The following MYO3B variants were observed in gnomAD, a reference collection of about 807,000 sequenced individuals.
The protein encoded by MYO3B is myosin-IIIb.
Under a neutral mutation model 174.6 loss-of-function variants are expected in MYO3B, and 156 were observed. The observed-to-expected ratio is 0.89, with a 90% CI of 0.78 to 1.02. The LOEUF (loss-of-function observed/expected upper bound fraction) is 1.02. MYO3B is among the 50% of genes least tolerant of loss of function. The pLI, the probability that MYO3B is intolerant of heterozygous loss-of-function variation, is 0.00. For missense variants in MYO3B, 1,632 were observed against 1,639.4 expected (o/e 1.00, Z 0.08); for synonymous variants, 563 against 569.1 (o/e 0.99, Z 0.15).
intron 22 of MYO3B, among the ~76,000 whole-genome samples, chr2:170,425,642 C>T (rs928968395): frequency 6.6e-6 from 1 of 152,136 alleles, no homozygotes; most frequent in Non-Finnish European, 1.5e-5. Flanking sequence ...GTTCAGTTGA[C>T]CTAGTTTGGT....
At chr2:170,191,717 G>A (rs1018382847) in intron 1 of MYO3B, among the ~76,000 whole-genome samples, 3 of 152,100 alleles carry the variant, frequency 2.0e-5, no homozygotes, top group Admixed American at 6.6e-5. Context: ...GGGGAAGGGT[G>A]GCATCAGCAA....
chr2:170,415,932 A>G (rs1165625839), intron 22 of MYO3B, among the ~76,000 whole-genome samples: 1 of 152,162 alleles, frequency 6.6e-6, no homozygotes, highest in East Asian at 1.9e-4. Context: ...GTTCCCTCCA[A>G]AAAAAGATAC....
At chr2:170,194,509 A>G (rs1209297055) in intron 1 of MYO3B, among the ~76,000 whole-genome samples, 1 of 147,774 alleles carries the variant, frequency 6.8e-6, no homozygotes, top group Admixed American at 6.7e-5. Context: ...TGTCTCAAGA[A>G]AAAAAAAAAA....
At chr2:170,358,100 C>T (rs567500498) in intron 8 of MYO3B, among the ~76,000 whole-genome samples, 7 of 150,946 alleles carry the variant, frequency 4.6e-5, no homozygotes, top group African/African-American at 7.3e-5. Context: ...TGCGGTGAGC[C>T]GAGATCGCAC....
chr2:170,236,039 G>T lies in MYO3B; in HGVS notation c.652G>T (p.Asp218Tyr). 1 of 1,614,042 alleles carries T rather than the reference G, an allele frequency of 6.2e-7. No individual in the cohort carries two copies. The highest frequency in any genetic ancestry group is 8.5e-7 in the Non-Finnish European group (1 of 1,180,012). ...QYDSSYDARC[D>Y]VWSLGITAIE... The stretch of plus-strand genomic sequence containing the variant: ...TGACTCTTCCTATGACGCTCGCTGT[G>T]ACGTCTGGTCCTTGGGGATCACAGC... The change falls in exon 7 of 35, where the codon GAC (aspartate) becomes TAC (tyrosine). Residue 218 changes from aspartate to tyrosine, a missense_variant. Transcript: ENST00000408978.
chr2:170,406,882 C>T (rs1304214657), intron 21 of MYO3B, among the ~76,000 whole-genome samples: 1 of 152,112 alleles, frequency 6.6e-6, no homozygotes, highest in Non-Finnish European at 1.5e-5. Flanking sequence ...ACTCAGCATC[C>T]TTGAGTGATC....
At chr2:170,644,176 T>C (rs1698195620) in intron 32 of MYO3B, among the ~76,000 whole-genome samples, 1 of 152,246 alleles carries the variant, frequency 6.6e-6, no homozygotes, top group African/African-American at 2.4e-5. Context: ...TCAGCTAGAT[T>C]TGAATCTCAA....
chr2:170,628,849 A>C (rs1470090127), intron 32 of MYO3B, among the ~76,000 whole-genome samples: 8 of 152,222 alleles, frequency 5.3e-5, no homozygotes, highest in Middle Eastern at 3.4e-3. Flanking sequence ...TTTACCAAAC[A>C]ATTTTTTTTA....
intron 32 of MYO3B, among the ~76,000 whole-genome samples, chr2:170,567,768 G>A (rs995064393): frequency 3.9e-5 from 6 of 152,196 alleles, no homozygotes; most frequent in Non-Finnish European, 7.3e-5. Context: ...GGTGTTTGGA[G>A]AGTAGCATCT....
At position 170,407,750 on chromosome 2, in the gene MYO3B, T is replaced by C. The variant is rs2094519760; in HGVS notation, c.2556T>C (p.Asn852=). 6.2e-7 allele frequency: 1 copy of C among 1,614,036 alleles called. No individual in the cohort carries two copies. The highest frequency in any genetic ancestry group is 8.5e-7 in the Non-Finnish European group (1 of 1,179,956). Residue 852 remains asparagine, a synonymous_variant, in exon 22 of 35, where the codon AAT becomes AAC. Coordinates refer to ENST00000408978, the MANE Select transcript of MYO3B (RefSeq NM_138995.5). ...ATGCTTCTGGGGTTCTTGAGAAAAA[T>C]AGAGACACTCTCCCTGCCGATGTGG... ...LYDASGVLEK[N]RDTLPADVVV...
chr2:170,256,900 A>C (rs1292431477), intron 7 of MYO3B, among the ~76,000 whole-genome samples: 1 of 152,108 alleles, frequency 6.6e-6, no homozygotes, highest in Non-Finnish European at 1.5e-5. Context: ...CAAAGTAAAG[A>C]AATGAACAGC....
chr2:170,314,190 C>A (rs893525195), intron 7 of MYO3B, among the ~76,000 whole-genome samples: 1 of 152,120 alleles, frequency 6.6e-6, no homozygotes, highest in African/African-American at 2.4e-5. Context: ...TGCCAAGCAC[C>A]TCTCCCCAGA....
Position 170,327,860 on chromosome 2 carries a change from C to CATATAT in MYO3B, c.750-7515_750-7510dup, listed in dbSNP as rs201033292. On this transcript the variant is annotated intron_variant, in intron 7 of 34. Coordinates refer to ENST00000408978, the MANE Select transcript of MYO3B (RefSeq NM_138995.5). ...ATGTTTTCTCTAGTGGAATTATTAG[C>CATATAT]ATATATATATATATACACTATATAT... Among the ~76,000 whole-genome samples, 212 of 102,522 alleles carry CATATAT rather than the reference C, an allele frequency of 2.1e-3. 1 individual carries two copies. In the South Asian group the frequency reaches 0.025, roughly 12 times the overall value. The allele number at this position is 102,522 out of a possible 152,430, so 67.3% of individuals were successfully genotyped here. A position where few individuals can be genotyped will look rare whatever the true frequency, so the allele number is the denominator to read the frequency against.
At chr2:170,269,574 A>G (rs954766447) in intron 7 of MYO3B, among the ~76,000 whole-genome samples, 1 of 152,194 alleles carries the variant, frequency 6.6e-6, no homozygotes, top group Non-Finnish European at 1.5e-5. Context: ...GAATAAAAAT[A>G]CACTTGGCAC....
Position 170,206,051 on chromosome 2 carries a change from C to T in MYO3B, c.321+5767C>T, listed in dbSNP as rs1376950079. ...TCATTGGCCTTCCTCCTCCATCTCC[C>T]TGCCCCAGGATTCTGGCATCCTTTG... On this transcript the variant is annotated intron_variant, in intron 3 of 34. Transcript: ENST00000408978. This position sits in a 1 kb window ranked among gnomAD's most constrained non-coding sequence, Gnocchi z 4.3. 2.6e-5 allele frequency among the ~76,000 whole-genome samples: 4 copies of T among 152,148 alleles called. No individual in the cohort carries two copies. The highest frequency in any genetic ancestry group is 3.8e-4 in the East Asian group (2 of 5,198).
intron 12 of MYO3B, among the ~76,000 whole-genome samples, chr2:170,384,783 G>A (rs1245485401): frequency 6.6e-6 from 1 of 152,100 alleles, no homozygotes; most frequent in Non-Finnish European, 1.5e-5. Context: ...TTTCCAGCAT[G>A]AACCAATTCT....
chr2:170,632,075 G>C (rs912622400), intron 32 of MYO3B, among the ~76,000 whole-genome samples: 1 of 147,524 alleles, frequency 6.8e-6, no homozygotes, highest in African/African-American at 2.6e-5. Flanking sequence ...TTAGATCAAC[G>C]AGACAGAAGA....
intron 8 of MYO3B, among the ~76,000 whole-genome samples, 200 bp downstream of exon 8, chr2:170,335,650 A>G (rs2093942763): frequency 6.6e-6 from 1 of 152,250 alleles, no homozygotes; most frequent in Non-Finnish European, 1.5e-5. Flanking sequence ...ACTCTCAGTT[A>G]TAATAAGTCC....
intron 7 of MYO3B, among the ~76,000 whole-genome samples, chr2:170,247,511 C>T (rs180723326): frequency 1.1e-4 from 17 of 152,312 alleles, no homozygotes; most frequent in East Asian, 7.7e-4. Context: ...TTTATCTCCA[C>T]GCCAAGCAAC....
Sources: allele counts gnomAD v4.1 joint callset (sites outside exome capture counted in the v4.1 genomes callset), GRCh38; gene constraint gnomAD v4.1.1; non-coding constraint Gnocchi (gnomAD v3.1); transcripts MANE v1.5; gene names NCBI Gene and HGNC (gene_info 2026-07-23, HGNC 2026-07-21).